TSC22D1: variants seen among roughly 807,000 people sequenced by gnomAD.
TSC22D1 encodes the protein TSC22 domain family member 1.
TSC22D1 carries 9 observed loss-of-function variants against 74.2 expected under a neutral mutation model. That is an observed-to-expected ratio of 0.12 (90% CI 0.07 to 0.21). The LOEUF is 0.21. Among genes scored for constraint, TSC22D1 ranks in the 10% least tolerant of loss-of-function variants. TSC22D1 has a pLI of 1.00. For synonymous variants in TSC22D1, 586 were observed against 492.5 expected (o/e 1.19, Z -2.51); for missense variants, 1,427 against 1,304.7 (o/e 1.09, Z -1.44).
intron 1 of TSC22D1, among the ~76,000 whole-genome samples, chr13:44,472,636 T>C (rs1877671147): frequency 6.6e-6 from 1 of 152,044 alleles, no homozygotes; most frequent in South Asian, 2.1e-4. Flanking sequence ...GACAAAATGG[T>C]GAAACCCTGG....
chr13:44,502,257 C>T (rs909687651), intron 1 of TSC22D1, among the ~76,000 whole-genome samples: 1 of 152,166 alleles, frequency 6.6e-6, no homozygotes, highest in East Asian at 1.9e-4. Flanking sequence ...TAATTGGATA[C>T]TTGCTTAAGA....
At chr13:44,461,029 T>G (rs572856898) in intron 1 of TSC22D1, among the ~76,000 whole-genome samples, 41 of 152,264 alleles carry the variant, frequency 2.7e-4, no homozygotes, top group African/African-American at 9.9e-4. Flanking sequence ...TAAATTAAAG[T>G]TCAAAGAGAA....
intron 1 of TSC22D1, among the ~76,000 whole-genome samples, chr13:44,449,915 G>A (rs1282210962): frequency 6.6e-6 from 1 of 152,148 alleles, no homozygotes; most frequent in Non-Finnish European, 1.5e-5. Flanking sequence ...ACCCATGAAA[G>A]GCCAGGAACT....
chr13:44,446,841 A>AGAAGAGGAGGAG (rs1566115953), intron 1 of TSC22D1, among the ~76,000 whole-genome samples: 11 of 126,006 alleles, frequency 8.7e-5, no homozygotes, highest in African/African-American at 2.9e-4. Context: ...AGGAGGAGGA[A>AGAAGAGGAGGAG]GAAGAAGAAG....
At chr13:44,551,386 A>ATGGGTGGGTGTG (rs745495652) in intron 1 of TSC22D1, among the ~76,000 whole-genome samples, 4,232 of 93,910 alleles carry the variant, frequency 0.045, 111 homozygotes, top group Non-Finnish European at 0.06. Context: ...CCCCAATCAG[A>ATGGGTGGGTGTG]TGGGTGTGTG....
intron 1 of TSC22D1, among the ~76,000 whole-genome samples, chr13:44,541,635 A>G (rs1263392523): frequency 3.9e-5 from 6 of 152,198 alleles, no homozygotes; most frequent in Admixed American, 6.5e-5. Context: ...TAGGCTTTAA[A>G]AAGTATTTTA....
chr13:44,550,802 T>C (rs563313922), intron 1 of TSC22D1, among the ~76,000 whole-genome samples: 4 of 150,806 alleles, frequency 2.7e-5, no homozygotes, highest in South Asian at 2.1e-4. Context: ...ATTAGCCAAG[T>C]GTGGTGGCAC....
chr13:44,570,103 CAAAACAT>C (rs1883657171), intron 1 of TSC22D1, among the ~76,000 whole-genome samples: 1 of 151,206 alleles, frequency 6.6e-6, no homozygotes, highest in South Asian at 2.1e-4. Flanking sequence ...ATAACAATCA[CAAAACAT>C]AAAAGATGCA....
Position 44,575,571 on chromosome 13 carries a change from G to C in TSC22D1, c.504C>G (p.Pro168=). Residue 168 remains proline (P), a synonymous_variant, in exon 1 of 3, where the codon CCC becomes CCG. Transcript: ENST00000458659. ...SLSRATDLGE[P]ERSSSEETLN... Reference sequence around the variant, plus strand: ...GGGTCTCTTCTGAGGAGCTGCGTTCGGGCTCCCCTAAGTCAGTAGCCCTGG... The same window carrying C: ...GGGTCTCTTCTGAGGAGCTGCGTTCCGGCTCCCCTAAGTCAGTAGCCCTGG... The C allele has an allele frequency of 6.2e-7, 1 of 1,614,014 alleles. No individual in the cohort carries two copies. Among genetic ancestry groups the C allele is most frequent in the Non-Finnish European group, 8.5e-7 (1 of 1,180,040 alleles).
At chr13:44,454,781 AG>A (rs752622377) in intron 1 of TSC22D1, among the ~76,000 whole-genome samples, 7 of 152,228 alleles carry the variant, frequency 4.6e-5, no homozygotes, top group African/African-American at 1.7e-4. Context: ...CAAGGCGCAA[AG>A]GAGTTATGTG....
rs113899061 is a variant in TSC22D1 at position 44,446,472 on chromosome 13, C to A, written c.2913-10377G>T. 3.5e-4 allele frequency among the ~76,000 whole-genome samples: 53 copies of A among 151,870 alleles called. 1 individual carries two copies. The highest frequency in any genetic ancestry group is 1.2e-3 in the African/African-American group (48 of 41,416). The stretch of plus-strand genomic sequence containing the variant: ...AGAACTCAAAGATGGGAGCAATAAA[C>A]ACTGGAGACTCCAGAAGTGGGGAGG... On this transcript the variant is annotated intron_variant, in intron 1 of 2. Transcript: ENST00000458659.
chr13:44,576,484 C>T (rs555389600), upstream of TSC22D1: 41 of 164,526 alleles, frequency 2.5e-4, 2 homozygotes, highest in East Asian at 6.4e-3. Flanking sequence ...CCCGCCGCGT[C>T]GGCGGCCGCT....
chr13:44,443,763 A>AC (rs1875392992), intron 1 of TSC22D1, among the ~76,000 whole-genome samples: 2 of 152,244 alleles, frequency 1.3e-5, no homozygotes, highest in South Asian at 4.1e-4. Flanking sequence ...AAAATGTATG[A>AC]CAAAGATAGA....
At chr13:44,453,036 C>T (rs1202236380) in intron 1 of TSC22D1, among the ~76,000 whole-genome samples, 1 of 152,174 alleles carries the variant, frequency 6.6e-6, no homozygotes, top group Non-Finnish European at 1.5e-5. Context: ...AAAGATTTTG[C>T]AGTTAATTAG....
At chr13:44,456,072 G>T (rs1390707684) in intron 1 of TSC22D1, among the ~76,000 whole-genome samples, 1 of 152,156 alleles carries the variant, frequency 6.6e-6, no homozygotes, top group East Asian at 1.9e-4. Context: ...ATTGTATCTG[G>T]AATTGGTTCC....
chr13:44,531,446 G>A (rs1880833093), intron 1 of TSC22D1, among the ~76,000 whole-genome samples: 1 of 152,180 alleles, frequency 6.6e-6, no homozygotes, highest in Admixed American at 6.5e-5. Context: ...GCCAGGTCTT[G>A]TAAACTCTGA....
At chr13:44,450,634 C>T (rs1293163173) in intron 1 of TSC22D1, among the ~76,000 whole-genome samples, 1 of 152,124 alleles carries the variant, frequency 6.6e-6, no homozygotes, top group East Asian at 1.9e-4. Flanking sequence ...CAGGATGACT[C>T]ACAGGTTTCT....
At chr13:44,514,202 A>G (rs1879863647) in intron 1 of TSC22D1, among the ~76,000 whole-genome samples, 6 of 152,170 alleles carry the variant, frequency 3.9e-5, no homozygotes, top group Admixed American at 3.9e-4. Flanking sequence ...AATACAATTG[A>G]ATCCACTCAG....
In TSC22D1 at chr13:44,434,168, C is replaced by A; in HGVS notation, c.*458G>T. The A allele has an allele frequency of 6.8e-7, 1 of 1,475,334 alleles. No individual in the cohort carries two copies. The highest frequency in any genetic ancestry group is 1.4e-5 in the South Asian group (1 of 73,468). 91.4% of individuals were successfully genotyped at this position (1,475,334 alleles called of 1,614,324 possible). ...GAACTCTGTTCCCCCTCATTTTAGT[C>A]TTTTTACCCTCCTTTCAAGTTCCTC... On this transcript the variant is annotated 3_prime_UTR_variant, in exon 3 of 3. Transcript: ENST00000458659.
Sources: gnomAD v4.1 joint callset for allele counts (sites outside exome capture counted in the v4.1 genomes callset) on GRCh38, gnomAD v4.1.1 for gene constraint, MANE v1.5 for transcripts, NCBI Gene and HGNC (gene_info 2026-07-23, HGNC 2026-07-21) for gene names.